The following ATP11A variants were observed in gnomAD, a reference collection of about 807,000 sequenced individuals.
ATP11A encodes the protein phospholipid-transporting ATPase IH.
A neutral mutation model predicts 154.4 loss-of-function variants in ATP11A; 81 were observed. The ratio of observed to expected loss-of-function variants is 0.52; its 90% confidence interval spans 0.44 to 0.63. The LOEUF is 0.63. Among genes scored for constraint, ATP11A ranks in the 30% least tolerant of loss-of-function variants. ATP11A has a pLI of 0.00. For missense variants in ATP11A, 1,316 were observed against 1,474.3 expected (o/e 0.89, Z 1.76); for synonymous variants, 623 against 585.9 (o/e 1.06, Z -0.91).
At chr13:112,865,460 A>T (rs1267271475) in intron 25 of ATP11A, among the ~76,000 whole-genome samples, 1 of 152,120 alleles carries the variant, frequency 6.6e-6, no homozygotes, top group East Asian at 1.9e-4. Flanking sequence ...CCATCACCAC[A>T]TGTGCATAGC....
At chr13:112,872,567 C>T (rs2080557707) in intron 26 of ATP11A, among the ~76,000 whole-genome samples, 1 of 152,244 alleles carries the variant, frequency 6.6e-6, no homozygotes, top group African/African-American at 2.4e-5. Flanking sequence ...GCCAAGATCG[C>T]ACCACTGCAC....
At chr13:112,861,990 C>T (rs570548333) in intron 24 of ATP11A, among the ~76,000 whole-genome samples, 1 of 152,188 alleles carries the variant, frequency 6.6e-6, no homozygotes, top group South Asian at 2.1e-4. Context: ...TAAGGTGTCA[C>T]GTCAGGCGTA....
At position 112,781,784 on chromosome 13, in the gene ATP11A, C is replaced by CAAAAAA. The variant is rs748401969; in HGVS notation, c.40-3337_40-3332dup. On this transcript the variant is annotated intron_variant, in intron 1 of 29. Coordinates refer to ENST00000375645, the MANE Select transcript of ATP11A (RefSeq NM_015205.3). ...TCTTAATAAACTTGCTTTCACTTTG[C>CAAAAAA]AAAAAAAAAAAAAAAAAAAGAATTT... 7.8e-3 allele frequency among the ~76,000 whole-genome samples: 784 copies of CAAAAAA among 100,738 alleles called. 25 individuals carry two copies. The highest frequency in any genetic ancestry group is 0.02 in the South Asian group (53 of 2,618). 66.1% of individuals were successfully genotyped at this position (100,738 alleles called of 152,430 possible).
intron 17 of ATP11A, among the ~76,000 whole-genome samples, chr13:112,846,831 T>C (rs2079623313): frequency 6.6e-6 from 1 of 152,234 alleles, no homozygotes; most frequent in African/African-American, 2.4e-5. Context: ...GCCTTCGTGA[T>C]GTCCAGCAGA....
At chr13:112,765,394 T>C (rs1443827610) in intron 1 of ATP11A, among the ~76,000 whole-genome samples, 1 of 152,208 alleles carries the variant, frequency 6.6e-6, no homozygotes, top group Admixed American at 6.5e-5. Context: ...GTCTCGCTGG[T>C]GCAGCCTCCT....
chr13:112,783,554 G>C (rs997593316), intron 1 of ATP11A, among the ~76,000 whole-genome samples: 1 of 152,240 alleles, frequency 6.6e-6, no homozygotes, highest in East Asian at 1.9e-4. Flanking sequence ...GGCAGTGCCC[G>C]CTCGTCCTTC....
chr13:112,867,276 C>G (rs1295893121), intron 25 of ATP11A, among the ~76,000 whole-genome samples: 1 of 152,236 alleles, frequency 6.6e-6, no homozygotes, highest in Non-Finnish European at 1.5e-5. Flanking sequence ...ACACCCTGTG[C>G]GGTGTCAGCT....
intron 1 of ATP11A, among the ~76,000 whole-genome samples, chr13:112,778,691 G>A (rs61961154): frequency 2.4e-3 from 317 of 131,902 alleles, no homozygotes; most frequent in Non-Finnish European, 3.9e-3. Context: ...GTGAGTAGCC[G>A]CTGGAGTGAG....
chr13:112,789,860 T>G (rs1169472556), intron 2 of ATP11A, among the ~76,000 whole-genome samples: 1 of 151,244 alleles, frequency 6.6e-6, no homozygotes, highest in African/African-American at 2.4e-5. Flanking sequence ...GAGACCTACT[T>G]AATTCACACC....
intron 15 of ATP11A, among the ~76,000 whole-genome samples, chr13:112,835,088 G>A (rs1264151205): frequency 6.6e-6 from 1 of 152,278 alleles, no homozygotes; most frequent in African/African-American, 2.4e-5. Flanking sequence ...CGTGCTGGGA[G>A]CACAGCGTCG....
intron 1 of ATP11A, among the ~76,000 whole-genome samples, chr13:112,712,280 C>T (rs1332668655): frequency 2.0e-5 from 3 of 152,116 alleles, no homozygotes; most frequent in Non-Finnish European, 4.4e-5. Context: ...AATTATGCAC[C>T]CAGCCCCGCA....
At chr13:112,834,564 C>G (rs764712161) in intron 14 of ATP11A, 25 bp from the exon 15 acceptor site, 80 of 1,523,928 alleles carry the variant, frequency 5.2e-5, no homozygotes, top group Non-Finnish European at 7.0e-5. Flanking sequence ...TCAGATTCAC[C>G]CCGAGGTTTC....
chr13:112,728,378 A>AG (rs755901542), intron 1 of ATP11A, among the ~76,000 whole-genome samples: 3 of 139,088 alleles, frequency 2.2e-5, no homozygotes, highest in Non-Finnish European at 3.1e-5. Context: ...CCACGTGTGG[A>AG]GGGGCCATGA....
intron 28 of ATP11A, among the ~76,000 whole-genome samples, chr13:112,876,858 T>C (rs913179908): frequency 4.6e-5 from 7 of 152,150 alleles, no homozygotes; most frequent in African/African-American, 1.7e-4. Context: ...GGTGCTGCTG[T>C]GCTGGGAGGG....
chr13:112,831,618 T>C (rs2079088533), intron 13 of ATP11A, 70 bp downstream of exon 13: 4 of 1,538,890 alleles, frequency 2.6e-6, no homozygotes. Context: ...AGTCCACCCC[T>C]TTTCACTCGA....
intron 1 of ATP11A, among the ~76,000 whole-genome samples, chr13:112,732,868 C>T (rs1030270832): frequency 1.3e-5 from 2 of 152,190 alleles, no homozygotes; most frequent in African/African-American, 4.8e-5. Context: ...CTGCCTCGGC[C>T]TCCCAAGGTG....
chr13:112,792,046 G>T (rs899578657), intron 2 of ATP11A, among the ~76,000 whole-genome samples: 8 of 152,134 alleles, frequency 5.3e-5, no homozygotes, highest in African/African-American at 1.4e-4. Context: ...TCTCAAATCC[G>T]CCCATGCATT....
rs1209456017 is a variant in ATP11A at position 112,754,159 on chromosome 13, G to C, written c.40-30976G>C. Among the ~76,000 whole-genome samples, 1 of 152,230 alleles carries C rather than the reference G, an allele frequency of 6.6e-6. No individual in the cohort carries two copies. Among genetic ancestry groups the C allele is most frequent in the Non-Finnish European group, 1.5e-5 (1 of 68,034 alleles). On this transcript the variant is annotated intron_variant, in intron 1 of 29. Transcript: ENST00000375645. The surrounding 1 kb of genome is among the most constrained non-coding windows in gnomAD (Gnocchi z 5.3). ...TTGGAGCCACGGTCCCTGCTGCTGA[G>C]ATGTGAGAAAGGCCTGCGCTGGGGT...
chr13:112,831,326 C>T (rs1274636487), intron 12 of ATP11A, 49 bp from the exon 13 acceptor site: 16 of 1,587,358 alleles, frequency 1.0e-5, no homozygotes, highest in African/African-American at 1.3e-5. Flanking sequence ...GAGTCGGGGA[C>T]GTGCGGGCCT....
Sources: allele counts gnomAD v4.1 joint callset (sites outside exome capture counted in the v4.1 genomes callset), GRCh38; gene constraint gnomAD v4.1.1; non-coding constraint Gnocchi (gnomAD v3.1); transcripts MANE v1.5; gene names NCBI Gene and HGNC (gene_info 2026-07-23, HGNC 2026-07-21).